MMRN1: variants seen among roughly 807,000 people sequenced by gnomAD.
MMRN1 encodes multimerin-1.
MMRN1 carries 94 observed loss-of-function variants against 100.7 expected under a neutral mutation model. That is an observed-to-expected ratio of 0.93 (90% confidence interval 0.79 to 1.11). The LOEUF is 1.11. Ranked by LOEUF, MMRN1 falls within the 50% of genes least tolerant of loss-of-function variation. The pLI is 0.00. For synonymous variants in MMRN1, 575 were observed against 505.0 expected (o/e 1.14, Z -1.86); for missense variants, 1,606 against 1,439.1 (o/e 1.12, Z -1.88).
At chr4:89,928,035 C>T in intron 5 of MMRN1, 67 bp downstream of exon 5, 1 of 1,283,344 alleles carries the variant, frequency 7.8e-7, no homozygotes, top group Non-Finnish European at 1.1e-6. Flanking sequence ...TTTTTCTTTT[C>T]TTACATCACT....
chr4:89,888,393 C>T (rs1720982936), intron 1 of MMRN1, among the ~76,000 whole-genome samples: 1 of 150,590 alleles, frequency 6.6e-6, no homozygotes, highest in Admixed American at 6.6e-5. Context: ...ATCTATCTGA[C>T]TTAATGAAAA....
intron 6 of MMRN1, among the ~76,000 whole-genome samples, chr4:89,945,799 G>A (rs1284734410): frequency 6.6e-6 from 1 of 152,120 alleles, no homozygotes; most frequent in Non-Finnish European, 1.5e-5. Context: ...AACTAAATGT[G>A]CCTTAAAGTA....
chr4:89,941,538 C>T (rs1722825084), intron 6 of MMRN1, among the ~76,000 whole-genome samples: 1 of 152,136 alleles, frequency 6.6e-6, no homozygotes, highest in Non-Finnish European at 1.5e-5. Flanking sequence ...GGGCTGGTCA[C>T]ATAAGCATCC....
chr4:89,921,904 A>G (rs1722101284), intron 3 of MMRN1, among the ~76,000 whole-genome samples: 2 of 152,160 alleles, frequency 1.3e-5, no homozygotes, highest in African/African-American at 2.4e-5. Context: ...AGCATAATTA[A>G]CATGTGCCAG....
At chr4:89,913,443 T>C (rs1289097255) in intron 3 of MMRN1, among the ~76,000 whole-genome samples, 1 of 151,338 alleles carries the variant, frequency 6.6e-6, no homozygotes, top group Non-Finnish European at 1.5e-5. Flanking sequence ...GCGTTGTTGC[T>C]CCGTGCTTCA....
chr4:89,901,422 G>A (rs2110585855), intron 1 of MMRN1, among the ~76,000 whole-genome samples: 1 of 151,990 alleles, frequency 6.6e-6, no homozygotes, highest in South Asian at 2.1e-4. Context: ...TGAGTTTAAT[G>A]ACAAATTAGA....
intron 1 of MMRN1, among the ~76,000 whole-genome samples, chr4:89,902,885 G>A (rs181719329): frequency 2.8e-3 from 420 of 151,766 alleles, no homozygotes; most frequent in Non-Finnish European, 4.0e-3. Context: ...TTTTATCTCA[G>A]TTTGAATACT....
intron 6 of MMRN1, among the ~76,000 whole-genome samples, chr4:89,940,003 A>G (rs1722772950): frequency 6.6e-6 from 1 of 152,128 alleles, no homozygotes; most frequent in South Asian, 2.1e-4. Flanking sequence ...CTTCCTTTTG[A>G]GCCATTCCTA....
intron 1 of MMRN1, among the ~76,000 whole-genome samples, chr4:89,901,512 G>A (rs928288570): frequency 6.6e-6 from 1 of 151,992 alleles, no homozygotes; most frequent in Non-Finnish European, 1.5e-5. Context: ...ATAGGTTTTA[G>A]AAGTGAATTA....
chr4:89,883,628 T>C (rs2110568320), intron 1 of MMRN1, among the ~76,000 whole-genome samples: 1 of 152,284 alleles, frequency 6.6e-6, no homozygotes, highest in South Asian at 2.1e-4. Context: ...GAATTCATTT[T>C]ATATTTTGAA....
chr4:89,945,829 A>T (rs1188575682), intron 6 of MMRN1, among the ~76,000 whole-genome samples: 1 of 152,190 alleles, frequency 6.6e-6, no homozygotes, highest in Non-Finnish European at 1.5e-5. Flanking sequence ...GGGTTGAGGA[A>T]AAAAGATCCC....
intron 3 of MMRN1, among the ~76,000 whole-genome samples, chr4:89,913,506 G>A (rs1721820678): frequency 6.6e-6 from 1 of 151,274 alleles, no homozygotes; most frequent in Non-Finnish European, 1.5e-5. Context: ...CTACATACAT[G>A]TAGGAAGAAA....
At chr4:89,889,852 A>G (rs1239943970) in intron 1 of MMRN1, among the ~76,000 whole-genome samples, 2 of 152,154 alleles carry the variant, frequency 1.3e-5, no homozygotes, top group African/African-American at 4.8e-5. Context: ...AATCATTTTT[A>G]AAACAATCTC....
In MMRN1 at chr4:89,936,047, G is replaced by A; in HGVS notation, c.2367G>A (p.Leu789=). The change falls in exon 6 of 8, where the codon TTG becomes TTA. Residue 789 remains leucine, a synonymous_variant. Transcript: ENST00000264790. ...GTCTGAATGATTCTATTCAGACTTT[G>A]GTCAATGACAATCAGAGATATAACT... ...FHRLNDSIQT[L]VNDNQRYNFV... is the part of the protein sequence containing the mutation. 1.2e-6 allele frequency: 2 copies of A among 1,612,066 alleles called. No homozygotes were observed. Among genetic ancestry groups the A allele is most frequent in the Non-Finnish European group, 1.7e-6 (2 of 1,179,336 alleles).
At chr4:89,903,414 T>C (rs1034459007) in intron 1 of MMRN1, among the ~76,000 whole-genome samples, 1 of 151,674 alleles carries the variant, frequency 6.6e-6, no homozygotes, top group African/African-American at 2.4e-5. Flanking sequence ...ATGATGATGG[T>C]CTTCTGTATT....
chr4:89,882,176 A>G (rs931587514), intron 1 of MMRN1, among the ~76,000 whole-genome samples: 2 of 151,770 alleles, frequency 1.3e-5, no homozygotes, highest in African/African-American at 4.8e-5. Flanking sequence ...GGGTTTTGTC[A>G]TGTAAAAAAG....
At position 89,909,398 on chromosome 4, in the gene MMRN1, A is replaced by G. The variant is rs376467094; in HGVS notation, c.743+3A>G. The G allele has an allele frequency of 6.2e-7, 1 of 1,608,366 alleles. No individual in the cohort carries two copies. The highest frequency in any genetic ancestry group is 8.5e-7 in the Non-Finnish European group (1 of 1,176,876). On this transcript the variant is annotated splice_donor_region_variant and intron_variant, in intron 2 of 7. Transcript: ENST00000264790. The stretch of plus-strand genomic sequence containing the variant: ...ACCGGTGGATCCTGTCCTCAGAGGT[A>G]TGTAATATTTCTTGAAAATAGCCAC...
intron 6 of MMRN1, among the ~76,000 whole-genome samples, chr4:89,949,753 T>C (rs1362597680): frequency 1.3e-5 from 2 of 152,222 alleles, no homozygotes; most frequent in Non-Finnish European, 2.9e-5. Flanking sequence ...AGTACAATAT[T>C]AATATATTTG....
At chr4:89,913,867 A>G (rs947031127) in intron 3 of MMRN1, among the ~76,000 whole-genome samples, 1 of 151,394 alleles carries the variant, frequency 6.6e-6, no homozygotes, top group African/African-American at 2.4e-5. Flanking sequence ...GAAATCTACA[A>G]TGGGAATAAT....
Sources: allele counts gnomAD v4.1 joint callset (sites outside exome capture counted in the v4.1 genomes callset), GRCh38; gene constraint gnomAD v4.1.1; transcripts MANE v1.5; gene names NCBI Gene and HGNC (gene_info 2026-07-23, HGNC 2026-07-21).